CPED1: variants seen among roughly 807,000 people sequenced by gnomAD.
CPED1 encodes the protein cadherin like and PC-esterase domain containing 1.
CPED1 carries 114 observed loss-of-function variants against 128.2 expected under a neutral mutation model. That is an observed-to-expected ratio of 0.89 (90% CI 0.76 to 1.04). CPED1 has a LOEUF of 1.04. Ranked by LOEUF, CPED1 falls within the 50% of genes least tolerant of loss-of-function variation. The pLI is 0.00. For synonymous variants in CPED1, 462 were observed against 426.7 expected, an observed-to-expected ratio of 1.08 and a Z score of -1.02; for missense variants, 1,211 against 1,207.1, an observed-to-expected ratio of 1.00 and a Z score of -0.05.
intron 2 of CPED1, among the ~76,000 whole-genome samples, chr7:120,990,562 T>C (rs1796293801): frequency 6.6e-6 from 1 of 152,108 alleles, no homozygotes; most frequent in Non-Finnish European, 1.5e-5. Flanking sequence ...GGATTTCTAT[T>C]TTAATATACC....
At chr7:121,053,256 T>C (rs996306171) in intron 4 of CPED1, among the ~76,000 whole-genome samples, 1 of 152,192 alleles carries the variant, frequency 6.6e-6, no homozygotes, top group African/African-American at 2.4e-5. Flanking sequence ...GGAACCTATC[T>C]ACTACCCTTC....
intron 16 of CPED1, among the ~76,000 whole-genome samples, chr7:121,144,121 C>G (rs1795968036): frequency 6.6e-6 from 1 of 152,054 alleles, no homozygotes; most frequent in Admixed American, 6.6e-5. Context: ...CTGTGGAGAA[C>G]AGTATCGAGG....
chr7:121,156,824 C>G (rs1192365170), intron 16 of CPED1, among the ~76,000 whole-genome samples: 1 of 152,136 alleles, frequency 6.6e-6, no homozygotes, highest in Non-Finnish European at 1.5e-5. Flanking sequence ...AATGTGATCT[C>G]TCATGGCTCG....
Position 121,236,735 on chromosome 7 carries a change from C to A in CPED1, c.2077C>A (p.Pro693Thr), listed in dbSNP as rs373553887. The A allele has an allele frequency of 3.1e-6, 5 of 1,601,090 alleles. No individual in the cohort carries two copies. Among genetic ancestry groups the A allele is most frequent in the Non-Finnish European group, 4.3e-6 (5 of 1,174,726 alleles). Reference protein sequence around the residue: ...FVQDCGLLIHPEETCGLQPIS... With the variant: ...FVQDCGLLIHTEETCGLQPIS... ...GCAGGATTGTGGTTTGCTGATTCAT[C>A]CAGAGGAAACCTGTGGGTTACAGCC... Residue 693 changes from proline (P) to threonine (T), a missense_variant, in exon 17 of 23, where the codon CCA (proline) becomes ACA (threonine). Coordinates refer to ENST00000310396, the MANE Select transcript of CPED1 (RefSeq NM_024913.5).
chr7:121,236,846 G>C lies in CPED1; in HGVS notation c.2173+15G>C. 1 of 1,307,484 alleles carries C rather than the reference G, an allele frequency of 7.6e-7. No individual in the cohort carries two copies. The allele number at this position is 1,307,484 out of a possible 1,614,324, so 81.0% of individuals were successfully genotyped here. On this transcript the variant is annotated intron_variant, in intron 17 of 22. Transcript: ENST00000310396. ...GGACATGAAAGGTGACTATCACATT[G>C]GATATCACTTCTCTAAAAAAAGAAT...
chr7:121,223,836 G>A (rs1275232228), intron 16 of CPED1, among the ~76,000 whole-genome samples: 1 of 151,508 alleles, frequency 6.6e-6, no homozygotes, highest in Non-Finnish European at 1.5e-5. Context: ...GTGTCTATTT[G>A]ATTCTTCTCT....
chr7:121,190,383 C>A, intron 16 of CPED1, among the ~76,000 whole-genome samples: 1 of 115,018 alleles, frequency 8.7e-6, no homozygotes, highest in South Asian at 3.2e-4. Flanking sequence ...CAGAGCGAGA[C>A]TCTGTATCAA....
intron 16 of CPED1, among the ~76,000 whole-genome samples, chr7:121,207,719 G>T (rs1488880945): frequency 2.0e-5 from 3 of 151,878 alleles, no homozygotes; most frequent in African/African-American, 7.3e-5. Context: ...TGAGGTCTTG[G>T]GGAAAATCCA....
chr7:121,086,852 A>G (rs1179926784), intron 5 of CPED1, among the ~76,000 whole-genome samples: 1 of 152,114 alleles, frequency 6.6e-6, no homozygotes. Context: ...TCTTGAGTTT[A>G]CCCTCTCTCC....
intron 16 of CPED1, among the ~76,000 whole-genome samples, chr7:121,203,681 G>A (rs963502030): frequency 2.0e-5 from 3 of 152,114 alleles, no homozygotes; most frequent in African/African-American, 7.2e-5. Flanking sequence ...TGAATTTTCT[G>A]TCTGAGGGAA....
chr7:121,149,851 G>A (rs1271390059), intron 16 of CPED1, among the ~76,000 whole-genome samples: 4 of 152,112 alleles, frequency 2.6e-5, no homozygotes, highest in African/African-American at 9.7e-5. Context: ...CAGAAGTAGA[G>A]GGAACCTCTT....
At chr7:121,246,284 T>C (rs1798532634) in intron 18 of CPED1, among the ~76,000 whole-genome samples, 1 of 152,236 alleles carries the variant, frequency 6.6e-6, no homozygotes, top group South Asian at 2.1e-4. Flanking sequence ...AATAACCCTC[T>C]GTGGTAGATG....
chr7:121,267,097 T>C, intron 20 of CPED1, 118 bp from the exon 21 acceptor site: 2 of 666,086 alleles, frequency 3.0e-6, no homozygotes, highest in Admixed American at 5.2e-5. Context: ...GAGCATTTAG[T>C]CTTTTATGCC....
chr7:121,290,423 A>AC (rs754386141), intron 22 of CPED1, among the ~76,000 whole-genome samples: 4 of 152,218 alleles, frequency 2.6e-5, no homozygotes, highest in Non-Finnish European at 5.9e-5. Context: ...ACTCCCACCA[A>AC]CAGTGTAAAA....
intron 16 of CPED1, among the ~76,000 whole-genome samples, chr7:121,219,993 T>C (rs1164474091): frequency 6.6e-6 from 1 of 152,068 alleles, no homozygotes; most frequent in Non-Finnish European, 1.5e-5. Context: ...CCAATTTTTA[T>C]TGGAATGAAT....
rs184826178 is a variant in CPED1 at position 121,117,471 on chromosome 7, C to T, written c.919-6860C>T. ...TCACTACTTAGGTTTGTAATTTAGT[C>T]ATTTTTCTCCATTTCTCTAATCTTT... On this transcript the variant is annotated intron_variant, in intron 7 of 22. Coordinates refer to ENST00000310396, the MANE Select transcript of CPED1 (RefSeq NM_024913.5). Among the ~76,000 whole-genome samples the T allele has an allele frequency of 2.0e-5, 3 of 152,124 alleles. 1 individual carries two copies. Among genetic ancestry groups the T allele is most frequent in the African/African-American group, 7.2e-5 (3 of 41,506 alleles).
At chr7:121,209,233 G>C (rs537712521) in intron 16 of CPED1, among the ~76,000 whole-genome samples, 5 of 151,892 alleles carry the variant, frequency 3.3e-5, no homozygotes, top group Non-Finnish European at 5.9e-5. Context: ...ATGGTCTCAC[G>C]TGATTTCTCA....
At chr7:120,997,850 A>G (rs761803015) in intron 2 of CPED1, among the ~76,000 whole-genome samples, 14 of 152,188 alleles carry the variant, frequency 9.2e-5, no homozygotes, top group Non-Finnish European at 1.9e-4. Context: ...TGAACCCAGG[A>G]GGCAGAGGTT....
intron 22 of CPED1, among the ~76,000 whole-genome samples, chr7:121,293,680 G>T (rs1792760299): frequency 6.6e-6 from 1 of 152,132 alleles, no homozygotes; most frequent in African/African-American, 2.4e-5. Context: ...TGCGAAGACT[G>T]GGGTAAAAGC....
Sources: gnomAD v4.1 joint callset for allele counts (sites outside exome capture counted in the v4.1 genomes callset) on GRCh38, gnomAD v4.1.1 for gene constraint, MANE v1.5 for transcripts, NCBI Gene and HGNC (gene_info 2026-07-23, HGNC 2026-07-21) for gene names.